Variants in ARPP21 observed in about 807,000 individuals in gnomAD.
The protein encoded by ARPP21 is cAMP regulated phosphoprotein 21, also known as cAMP-regulated phosphoprotein 21.
Under a neutral mutation model 113.2 loss-of-function variants are expected in ARPP21, and 69 were observed. That is an observed-to-expected ratio of 0.61 (90% CI 0.50 to 0.74). ARPP21 has a LOEUF of 0.74. Ranked by LOEUF, ARPP21 falls within the 30% of genes least tolerant of loss-of-function variation. The pLI is 0.00. For missense variants in ARPP21, 1,070 were observed against 1,037.4 expected (o/e 1.03, Z -0.43); for synonymous variants, 368 against 375.5 (o/e 0.98, Z 0.23).
chr3:35,652,715 A>G (rs1178724507), intron 1 of ARPP21, among the ~76,000 whole-genome samples: 1 of 151,954 alleles, frequency 6.6e-6, no homozygotes, highest in Non-Finnish European at 1.5e-5. Flanking sequence ...CTGATGAGGT[A>G]CATCGATAAA....
intron 9 of ARPP21, among the ~76,000 whole-genome samples, chr3:35,692,418 T>G (rs1368626047): frequency 6.6e-6 from 1 of 151,666 alleles, no homozygotes; most frequent in African/African-American, 2.4e-5. Flanking sequence ...TTAATGGCTT[T>G]TAGATATCAT....
intron 19 of ARPP21, among the ~76,000 whole-genome samples, chr3:35,767,201 G>T (rs139091310): frequency 9.4e-4 from 143 of 152,144 alleles, no homozygotes; most frequent in African/African-American, 3.2e-3. Flanking sequence ...CAAATTTTTG[G>T]CCATAGTGAT....
At chr3:35,770,170 A>T (rs1360793479) in intron 19 of ARPP21, among the ~76,000 whole-genome samples, 1 of 152,102 alleles carries the variant, frequency 6.6e-6, no homozygotes, top group Non-Finnish European at 1.5e-5. Context: ...TTTATATGAG[A>T]CTCTGCTTCC....
At chr3:35,704,291 A>T (rs1419661261) in intron 9 of ARPP21, among the ~76,000 whole-genome samples, 3 of 151,850 alleles carry the variant, frequency 2.0e-5, no homozygotes, top group African/African-American at 7.2e-5. Flanking sequence ...TATTAATTAG[A>T]ATAAGCCTTA....
intron 19 of ARPP21, among the ~76,000 whole-genome samples, chr3:35,790,761 G>A (rs1033986446): frequency 4.6e-5 from 7 of 152,160 alleles, no homozygotes; most frequent in African/African-American, 1.7e-4. Flanking sequence ...TGTAGCTCAA[G>A]GAAATGTGGT....
intron 19 of ARPP21, among the ~76,000 whole-genome samples, chr3:35,782,665 T>G (rs1271056250): frequency 6.6e-6 from 1 of 152,154 alleles, no homozygotes; most frequent in Non-Finnish European, 1.5e-5. Flanking sequence ...ACCGTTGATG[T>G]TGAATGTGCT....
At chr3:35,675,774 T>C (rs1414301001) in intron 1 of ARPP21, among the ~76,000 whole-genome samples, 3 of 149,842 alleles carry the variant, frequency 2.0e-5, no homozygotes, top group Non-Finnish European at 4.5e-5. Context: ...TAGCAATGTA[T>C]GTCACCAGGT....
At chr3:35,719,222 A>G (rs1224377073) in intron 13 of ARPP21, among the ~76,000 whole-genome samples, 3 of 152,218 alleles carry the variant, frequency 2.0e-5, no homozygotes, top group Admixed American at 6.5e-5. Flanking sequence ...CAACACTGTT[A>G]AGATGATAGT....
chr3:35,739,680 TTCTAG>T, intron 18 of ARPP21, 103 bp downstream of exon 18: 1 of 1,405,472 alleles, frequency 7.1e-7, no homozygotes, highest in Admixed American at 2.4e-5. Flanking sequence ...CCTCTTCCCT[TTCTAG>T]TCTATATTAA....
chr3:35,667,913 G>GA (rs1252841641), intron 1 of ARPP21, among the ~76,000 whole-genome samples: 18,800 of 44,930 alleles, frequency 0.42, 3,411 homozygotes, highest in African/African-American at 0.57. Flanking sequence ...GGAAGAGGAA[G>GA]GAGGAGGAGG....
intron 13 of ARPP21, among the ~76,000 whole-genome samples, chr3:35,718,508 G>T (rs1159206704): frequency 6.6e-6 from 1 of 151,972 alleles, no homozygotes; most frequent in Admixed American, 6.6e-5. Context: ...TCCCCTAAAG[G>T]CCAGTTAGTT....
chr3:35,700,547 G>T (rs1468435466), intron 9 of ARPP21, among the ~76,000 whole-genome samples: 3 of 151,398 alleles, frequency 2.0e-5, no homozygotes, highest in Admixed American at 6.6e-5. Flanking sequence ...CTTTATCCCT[G>T]ATTTTAGTCA....
intron 19 of ARPP21, among the ~76,000 whole-genome samples, chr3:35,781,253 A>C (rs1287312400): frequency 6.6e-6 from 1 of 152,186 alleles, no homozygotes; most frequent in African/African-American, 2.4e-5. Context: ...ATCATGATGA[A>C]ATGCAAGTAT....
intron 19 of ARPP21, among the ~76,000 whole-genome samples, chr3:35,777,908 G>A (rs2096419039): frequency 6.6e-6 from 1 of 152,106 alleles, no homozygotes; most frequent in Non-Finnish European, 1.5e-5. Context: ...TACAAACGTT[G>A]CCATTTCATC....
chr3:35,747,357 T>TC (rs2095127829), intron 19 of ARPP21, among the ~76,000 whole-genome samples: 1 of 74,514 alleles, frequency 1.3e-5, no homozygotes, highest in African/African-American at 7.5e-5. Flanking sequence ...CAAGACTCCA[T>TC]CTAAAAAAAA....
At chr3:35,704,007 C>A (rs1415940973) in intron 9 of ARPP21, among the ~76,000 whole-genome samples, 2 of 151,828 alleles carry the variant, frequency 1.3e-5, no homozygotes, top group Non-Finnish European at 2.9e-5. Flanking sequence ...TGAGCTTAAA[C>A]TGCAAAATTG....
rs143237619 is a variant in ARPP21, at chr3:35,765,363, G to C, written c.2137+21398G>C. ...TGTCTGAGATTGATTCTGAGAGATAGTTAAGAAGCTCAGCTAAGAACAGAA... is the reference window on the plus strand; with the variant it reads ...TGTCTGAGATTGATTCTGAGAGATACTTAAGAAGCTCAGCTAAGAACAGAA... On this transcript the variant is annotated intron_variant, in intron 19 of 20. Coordinates refer to ENST00000684406, the MANE Select transcript of ARPP21 (RefSeq NM_001385562.1). 5.2e-3 allele frequency among the ~76,000 whole-genome samples: 788 copies of C among 152,200 alleles called. 3 individuals carry two copies. Among genetic ancestry groups the C allele is most frequent in the African/African-American group, 0.018 (754 of 41,546 alleles).
intron 19 of ARPP21, among the ~76,000 whole-genome samples, chr3:35,785,637 A>G (rs917261196): frequency 1.3e-5 from 2 of 152,204 alleles, no homozygotes; most frequent in African/African-American, 4.8e-5. Flanking sequence ...TCTGATGTGT[A>G]CTGCCATTAG....
chr3:35,661,221 G>C (rs1239691563), intron 1 of ARPP21, among the ~76,000 whole-genome samples: 1 of 152,140 alleles, frequency 6.6e-6, no homozygotes, highest in Non-Finnish European at 1.5e-5. Context: ...TCTCAGCCTT[G>C]TAAAACATCA....
Sources: gnomAD v4.1 joint callset for allele counts (sites outside exome capture counted in the v4.1 genomes callset) on GRCh38, gnomAD v4.1.1 for gene constraint, MANE v1.5 for transcripts, NCBI Gene and HGNC (gene_info 2026-07-23, HGNC 2026-07-21) for gene names.